DMD: variants seen among roughly 807,000 people sequenced by gnomAD.
DMD encodes dystrophin.
A neutral mutation model predicts 330.1 loss-of-function variants in DMD; 63 were observed. That is an observed-to-expected ratio of 0.19 (90% CI 0.16 to 0.24). DMD has a LOEUF of 0.24. Ranked by LOEUF, DMD falls within the 10% of genes least tolerant of loss-of-function variation. The pLI is 1.00. For synonymous variants in DMD, 1,223 were observed against 959.8 expected, an observed-to-expected ratio of 1.27 and a Z score of -5.07; for missense variants, 3,344 against 2,684.1, an observed-to-expected ratio of 1.25 and a Z score of -5.43.
chrX:33,105,777 A>T (rs2095281204), intron 1 of DMD, among the ~76,000 whole-genome samples: 1 of 111,754 alleles, frequency 8.9e-6, no homozygotes, highest in African/African-American at 3.2e-5. Flanking sequence ...AAAACAATAA[A>T]CGTTGGCATG....
intron 41 of DMD, among the ~76,000 whole-genome samples, chrX:32,328,678 TAAC>T (rs775006498): frequency 2.9e-5 from 3 of 102,712 alleles, no homozygotes; most frequent in Non-Finnish European, 6.0e-5. Context: ...CATAGGTCAA[TAAC>T]AACATTACAA....
At chrX:31,609,122 T>C (rs1232591021) in intron 55 of DMD, among the ~76,000 whole-genome samples, 2 of 111,194 alleles carry the variant, frequency 1.8e-5, no homozygotes, top group East Asian at 2.9e-4. Context: ...ATTTAAGAAA[T>C]AGAGAATCTT....
chrX:33,125,403 G>T (rs998826348), intron 1 of DMD, among the ~76,000 whole-genome samples: 4 of 111,362 alleles, frequency 3.6e-5, no homozygotes, highest in African/African-American at 1.3e-4. Context: ...AAAACATGGA[G>T]AAAATAATTG....
Position 32,313,824 on chromosome X carries a change from G to A in DMD, c.5923-3548C>T, listed in dbSNP as rs573332177. ...TGCTACAAAGAGAATAAAATACCTA[G>A]GAATACAACTTGCAAGGGATGTGAA... is the stretch of plus-strand genomic sequence containing the variant. On this transcript the variant is annotated intron_variant, in intron 41 of 78. Coordinates refer to ENST00000357033, the MANE Select transcript of DMD (RefSeq NM_004006.3). Among the ~76,000 whole-genome samples, 206 of 110,764 alleles carry A rather than the reference G, an allele frequency of 1.9e-3. 2 individuals are homozygous for A. The highest frequency in any genetic ancestry group is 6.5e-3 in the African/African-American group (198 of 30,484).
At position 32,013,351 on chromosome X, in the gene DMD, C is replaced by T. The variant is rs933493773; in HGVS notation, c.6439-44837G>A. 2.7e-5 allele frequency among the ~76,000 whole-genome samples: 3 copies of T among 111,002 alleles called. No individual in the cohort carries two copies. The South Asian group carries it at 1.1e-3, about 43-fold the overall frequency. ...CTGCCCACCTTGGCCTCCCAAAGTGCTGGGATTACAGGCGTGAGCCACCGT... is the reference window on the plus strand; with the variant it reads ...CTGCCCACCTTGGCCTCCCAAAGTGTTGGGATTACAGGCGTGAGCCACCGT... On this transcript the variant is annotated intron_variant, in intron 44 of 78. Transcript: ENST00000357033.
At chrX:31,284,157 G>GA (rs1298439143) in intron 62 of DMD, among the ~76,000 whole-genome samples, 4 of 111,729 alleles carry the variant, frequency 3.6e-5, no homozygotes, top group Admixed American at 2.9e-4. Context: ...TACTGAAAGT[G>GA]AAAAACAGAG....
chrX:32,150,850 A>T (rs2096800404), intron 44 of DMD, among the ~76,000 whole-genome samples: 1 of 111,580 alleles, frequency 9.0e-6, no homozygotes, highest in Admixed American at 9.6e-5. Flanking sequence ...CTAGGAAAGC[A>T]CTTAAGCAAA....
intron 76 of DMD, among the ~76,000 whole-genome samples, chrX:31,143,029 G>A (rs7050832): frequency 0.084 from 9,439 of 112,083 alleles, 810 homozygotes; most frequent in African/African-American, 0.27. Flanking sequence ...TGGTTCAGCA[G>A]ATCCCAGCCT....
At chrX:32,480,685 C>CGT (rs1252006102) in intron 21 of DMD, among the ~76,000 whole-genome samples, 1 of 109,328 alleles carries the variant, frequency 9.1e-6, no homozygotes, top group Non-Finnish European at 1.9e-5. Flanking sequence ...GTACACACAG[C>CGT]GTGTGTATAT....
chrX:31,818,333 A>C (rs1022096539), intron 50 of DMD, among the ~76,000 whole-genome samples: 1 of 112,164 alleles, frequency 8.9e-6, no homozygotes, highest in African/African-American at 3.2e-5. Context: ...GAAGTTAATA[A>C]ATAAAGTGGA....
At chrX:32,180,897 T>G (rs1439336847) in intron 44 of DMD, among the ~76,000 whole-genome samples, 2 of 111,269 alleles carry the variant, frequency 1.8e-5, no homozygotes, top group African/African-American at 6.5e-5. Flanking sequence ...TCTCTCTCCC[T>G]TGACATGTGG....
intron 20 of DMD, 58 bp from the exon 21 acceptor site, chrX:32,485,157 GC>G (rs1353779193): frequency 4.5e-6 from 5 of 1,112,773 alleles, no homozygotes; most frequent in Non-Finnish European, 6.2e-6. Flanking sequence ...ATTACATTTT[GC>G]AAAAGAAGGT....
intron 67 of DMD, among the ~76,000 whole-genome samples, chrX:31,196,922 GC>G (rs2042963683): frequency 9.4e-6 from 1 of 106,119 alleles, no homozygotes; most frequent in Admixed American, 1.0e-4. Context: ...TCCTGATATG[GC>G]ATTTTAACAT....
chrX:32,146,772 A>T (rs1165094311), intron 44 of DMD, among the ~76,000 whole-genome samples: 1 of 112,317 alleles, frequency 8.9e-6, no homozygotes, highest in Non-Finnish European at 1.9e-5. Context: ...GATGTTTTAC[A>T]TACCGTAAGT....
chrX:31,627,643 A>T (rs1379180255), intron 55 of DMD, 30 bp downstream of exon 55: 1 of 1,195,851 alleles, frequency 8.4e-7, no homozygotes, highest in Non-Finnish European at 1.1e-6. Flanking sequence ...TGGATCCACA[A>T]GAGTGCTAAA....
chrX:31,959,902 C>A (rs1273096206), intron 45 of DMD, among the ~76,000 whole-genome samples: 1 of 107,852 alleles, frequency 9.3e-6, no homozygotes, highest in African/African-American at 3.4e-5. Context: ...GTAGCTGGGA[C>A]TACAGGCCCA....
chrX:32,803,844 T>C (rs1417230024), intron 7 of DMD, among the ~76,000 whole-genome samples: 2 of 112,156 alleles, frequency 1.8e-5, no homozygotes, highest in Non-Finnish European at 3.8e-5. Flanking sequence ...TTCATTCTTT[T>C]GCATTTGCTG....
chrX:31,925,970 G>T (rs1313330098), intron 47 of DMD, among the ~76,000 whole-genome samples: 1 of 110,068 alleles, frequency 9.1e-6, no homozygotes, highest in Non-Finnish European at 1.9e-5. Context: ...TAGCCTAAAA[G>T]TGAGAAACAC....
chrX:33,244,396 A>C (rs2148892489), intron 1 of DMD, among the ~76,000 whole-genome samples: 1 of 112,152 alleles, frequency 8.9e-6, no homozygotes, highest in South Asian at 3.6e-4. Context: ...ATCTGAAAAA[A>C]GTAAATGGAT....
Sources: gnomAD v4.1 joint callset for allele counts (sites outside exome capture counted in the v4.1 genomes callset) on GRCh38, gnomAD v4.1.1 for gene constraint, MANE v1.5 for transcripts, NCBI Gene and HGNC (gene_info 2026-07-23, HGNC 2026-07-21) for gene names.